ESRRG: variants seen among roughly 807,000 people sequenced by gnomAD.
ESRRG encodes the protein estrogen-related receptor gamma.
A neutral mutation model predicts 44.0 loss-of-function variants in ESRRG; 13 were observed. The ratio of observed to expected loss-of-function variants is 0.30; its 90% confidence interval spans 0.19 to 0.47. The LOEUF is 0.47. Ranked by LOEUF, ESRRG falls within the 20% of genes least tolerant of loss-of-function variation. ESRRG has a pLI of 1.00. For missense variants in ESRRG, 395 were observed against 580.6 expected (o/e 0.68, Z 3.29); for synonymous variants, 215 against 214.6 (o/e 1.00, Z -0.02).
rs748870142 is a variant in ESRRG at position 216,677,225 on chromosome 1, A to G, written c.323T>C (p.Ile108Thr). The stretch of plus-strand genomic sequence containing the variant: ...ACACTTGGTCTGGGGATCTTCAACA[A>G]TGGTGCTGGAGCAGTCATCATACAG... ...RKLYDDCSSTIVEDPQTKCEY... is the reference protein window; with the variant it reads ...RKLYDDCSSTTVEDPQTKCEY... Residue 108 changes from isoleucine to threonine, a missense_variant, in exon 2 of 7, where the codon ATT becomes ACT. Physicochemically the swap from Ile to Thr is moderately conservative, Grantham distance 89 (BLOSUM62 -1). This residue lies in a region of ESRRG where 148 missense variants were observed against 150.4 expected (regional missense o/e 0.98). Coordinates refer to ENST00000408911, the MANE Select transcript of ESRRG (RefSeq NM_001438.4). 8.7e-6 allele frequency: 14 copies of G among 1,614,122 alleles called. No individual in the cohort carries two copies. Among genetic ancestry groups the G allele is most frequent in the Non-Finnish European group, 1.1e-5 (13 of 1,180,026 alleles).
rs538231754 is a variant in ESRRG, at chr1:216,986,684, A to G, written c.-105-47011T>C. 2.2e-4 allele frequency among the ~76,000 whole-genome samples: 33 copies of G among 152,202 alleles called. No individual in the cohort carries two copies. The South Asian group carries it at 6.4e-3, about 30-fold the overall frequency. Reference sequence around the variant, plus strand: ...AGAGATTGCAGTGAGCCAATATCACACGACTGTACTCCAGCCTGGGCAATA... The same window carrying G: ...AGAGATTGCAGTGAGCCAATATCACGCGACTGTACTCCAGCCTGGGCAATA... On this transcript the variant is annotated intron_variant, in intron 1 of 7. Transcript: ENST00000359162.
At chr1:216,925,690 C>A (rs1340323147) in intron 2 of ESRRG, among the ~76,000 whole-genome samples, 1 of 151,434 alleles carries the variant, frequency 6.6e-6, no homozygotes, top group African/African-American at 2.4e-5. Flanking sequence ...GTGGCTCACT[C>A]CTGTAATTCC....
intron 1 of ESRRG, among the ~76,000 whole-genome samples, chr1:216,975,256 C>T (rs890544901): frequency 5.9e-5 from 9 of 152,184 alleles, no homozygotes; most frequent in Admixed American, 4.6e-4. Context: ...TTCTATTTCA[C>T]ATAGTTCATA....
At chr1:216,920,287 T>C (rs549394174) in intron 2 of ESRRG, among the ~76,000 whole-genome samples, 5 of 152,020 alleles carry the variant, frequency 3.3e-5, no homozygotes, top group Non-Finnish European at 7.4e-5. Context: ...ATGATTTAAA[T>C]CATTCAAATA....
At chr1:216,544,731 C>T (rs773998350) in intron 5 of ESRRG, among the ~76,000 whole-genome samples, 2 of 143,030 alleles carry the variant, frequency 1.4e-5, no homozygotes, top group African/African-American at 2.5e-5. Context: ...CTAGAAAAAA[C>T]ACTGTTTGTT....
At chr1:217,114,667 C>CTTTT (rs139701773) in intron 1 of ESRRG, among the ~76,000 whole-genome samples, 21 of 107,244 alleles carry the variant, frequency 2.0e-4, no homozygotes, top group East Asian at 1.0e-3. Flanking sequence ...CAAAAGATTT[C>CTTTT]TTTTTTTTTT....
chr1:216,790,294 A>T (rs2148064738), intron 2 of ESRRG, among the ~76,000 whole-genome samples: 1 of 152,292 alleles, frequency 6.6e-6, no homozygotes, highest in Non-Finnish European at 1.5e-5. Flanking sequence ...TGAATCTAAC[A>T]CTGGGTAGTA....
At chr1:216,931,569 C>A (rs1008393475) in intron 2 of ESRRG, among the ~76,000 whole-genome samples, 1 of 152,004 alleles carries the variant, frequency 6.6e-6, no homozygotes, top group Non-Finnish European at 1.5e-5. Context: ...CTCAGGAGGA[C>A]CAGCTGCACC....
intron 5 of ESRRG, among the ~76,000 whole-genome samples, chr1:216,529,500 T>G (rs2048651953): frequency 1.3e-5 from 2 of 152,162 alleles, no homozygotes; most frequent in Admixed American, 1.3e-4. Context: ...AATATGTTAT[T>G]ACTAGAAAAT....
At chr1:216,614,792 T>C (rs532103115) in intron 3 of ESRRG, among the ~76,000 whole-genome samples, 2 of 152,354 alleles carry the variant, frequency 1.3e-5, no homozygotes, top group Admixed American at 1.3e-4. Flanking sequence ...CCGCATTTTC[T>C]GTTTAGCTGG....
At chr1:216,629,904 ACT>A (rs1047443408) in intron 3 of ESRRG, among the ~76,000 whole-genome samples, 29 of 152,284 alleles carry the variant, frequency 1.9e-4, no homozygotes, top group Admixed American at 5.9e-4. Context: ...GGCTTCAAAC[ACT>A]GTTAGAATAA....
intron 3 of ESRRG, 103 bp from the exon 4 acceptor site, chr1:216,568,201 T>C: frequency 1.1e-5 from 9 of 816,096 alleles, no homozygotes; most frequent in Non-Finnish European, 1.9e-5. Context: ...TGACAAACAG[T>C]AGAATGCAGA....
At chr1:216,676,795 A>G (rs1457013943) in intron 2 of ESRRG, among the ~76,000 whole-genome samples, 1 of 152,216 alleles carries the variant, frequency 6.6e-6, no homozygotes, top group African/African-American at 2.4e-5. Context: ...ATAGACCCAC[A>G]TTGCTCTAAT....
chr1:216,826,545 T>C (rs1559782089), intron 2 of ESRRG, among the ~76,000 whole-genome samples: 1 of 152,188 alleles, frequency 6.6e-6, no homozygotes, highest in Non-Finnish European at 1.5e-5. Flanking sequence ...TTATTGAATA[T>C]AATGAGAAAT....
At chr1:216,714,404 G>A (rs2084340969) in intron 1 of ESRRG, 1 of 157,530 alleles carries the variant, frequency 6.3e-6, no homozygotes, top group Non-Finnish European at 1.4e-5. Context: ...TTAGGAAAGT[G>A]TTTTAGAACT....
chr1:216,528,846 T>A (rs1248426113), intron 5 of ESRRG, among the ~76,000 whole-genome samples: 2 of 152,038 alleles, frequency 1.3e-5, no homozygotes, highest in Non-Finnish European at 1.5e-5. Flanking sequence ...CCCTTCTCAG[T>A]CCAGTTTAGA....
intron 1 of ESRRG, among the ~76,000 whole-genome samples, chr1:216,956,391 C>A (rs371281170): frequency 1.6e-4 from 24 of 152,132 alleles, no homozygotes; most frequent in Middle Eastern, 6.8e-3. Flanking sequence ...GTTATTGGCA[C>A]CTTTGTGGGA....
chr1:216,557,269 A>T (rs1034586803), intron 5 of ESRRG, among the ~76,000 whole-genome samples: 3 of 152,056 alleles, frequency 2.0e-5, no homozygotes, highest in Non-Finnish European at 4.4e-5. Context: ...TCATTTTTTA[A>T]TGTATAGATA....
intron 3 of ESRRG, among the ~76,000 whole-genome samples, chr1:216,642,950 C>T (rs982446227): frequency 5.3e-5 from 8 of 152,048 alleles, no homozygotes; most frequent in Non-Finnish European, 8.8e-5. Context: ...TAAAGAGAAC[C>T]TACCTGGAAA....
Sources: allele counts gnomAD v4.1 joint callset (sites outside exome capture counted in the v4.1 genomes callset), GRCh38; gene constraint gnomAD v4.1.1; regional missense constraint gnomAD v4.1.1; transcripts MANE v1.5; gene names NCBI Gene and HGNC (gene_info 2026-07-23, HGNC 2026-07-21).